The following RAPGEF5 variants were observed in gnomAD, a reference collection of about 807,000 sequenced individuals.
RAPGEF5 encodes Rap guanine nucleotide exchange factor 5.
Under a neutral mutation model 125.2 loss-of-function variants are expected in RAPGEF5, and 65 were observed. The observed-to-expected ratio is 0.52, with a 90% CI of 0.43 to 0.64. The LOEUF is 0.64. RAPGEF5 is among the 30% of genes least tolerant of loss of function. The probability of loss-of-function intolerance (pLI) is 0.00; values close to 1 mark genes in which losing one functional copy is unlikely to be tolerated. For synonymous variants in RAPGEF5, 391 were observed against 385.9 expected, an observed-to-expected ratio of 1.01 and a Z score of -0.16; for missense variants, 958 against 1,048.1, an observed-to-expected ratio of 0.91 and a Z score of 1.19.
At chr7:22,255,557 C>A (rs1786738984) in intron 7 of RAPGEF5, among the ~76,000 whole-genome samples, 2 of 152,154 alleles carry the variant, frequency 1.3e-5, no homozygotes, top group Admixed American at 6.5e-5. Flanking sequence ...CACCACTGCA[C>A]CCCAGCCTGG....
intron 7 of RAPGEF5, among the ~76,000 whole-genome samples, chr7:22,248,142 A>C (rs1786526974): frequency 6.6e-6 from 1 of 152,174 alleles, no homozygotes; most frequent in South Asian, 2.1e-4. Flanking sequence ...TTTTTTTTTA[A>C]AATCATCAAA....
At chr7:22,259,031 A>T (rs1221695654) in intron 7 of RAPGEF5, among the ~76,000 whole-genome samples, 1 of 152,226 alleles carries the variant, frequency 6.6e-6, no homozygotes, top group Non-Finnish European at 1.5e-5. Context: ...CATTAAAATA[A>T]AAACATTTCT....
chr7:22,251,858 T>C (rs1786632020), intron 7 of RAPGEF5, among the ~76,000 whole-genome samples: 3 of 149,136 alleles, frequency 2.0e-5, no homozygotes, highest in Admixed American at 6.7e-5. Flanking sequence ...AATTTAAATA[T>C]AAATTGCTCT....
At chr7:22,337,753 G>A (rs576477152) in intron 1 of RAPGEF5, among the ~76,000 whole-genome samples, 4 of 152,290 alleles carry the variant, frequency 2.6e-5, no homozygotes, top group East Asian at 1.9e-4. Flanking sequence ...CATGTCCAGC[G>A]TGATGGGCAA....
intron 11 of RAPGEF5, among the ~76,000 whole-genome samples, chr7:22,178,504 C>G (rs1784578341): frequency 6.6e-6 from 1 of 152,184 alleles, no homozygotes; most frequent in Non-Finnish European, 1.5e-5. Context: ...TCACAACCAC[C>G]CTCTGCGGTC....
At chr7:22,268,236 G>A (rs948925230) in intron 6 of RAPGEF5, among the ~76,000 whole-genome samples, 5 of 152,104 alleles carry the variant, frequency 3.3e-5, no homozygotes, top group East Asian at 1.9e-4. Flanking sequence ...CTTTGACACC[G>A]TAAGATTCTC....
intron 2 of RAPGEF5, among the ~76,000 whole-genome samples, chr7:22,316,489 A>ATATAT (rs1201099897): frequency 7.9e-5 from 4 of 50,636 alleles, no homozygotes; most frequent in African/African-American, 3.3e-4. Context: ...ATATATATAT[A>ATATAT]TTTTTTTTTT....
intron 7 of RAPGEF5, among the ~76,000 whole-genome samples, chr7:22,266,454 A>G (rs1782284591): frequency 6.6e-6 from 1 of 152,126 alleles, no homozygotes. Flanking sequence ...ACTTCCACAG[A>G]TTATATCCTA....
chr7:22,123,815 T>G (rs1583378000), intron 25 of RAPGEF5, among the ~76,000 whole-genome samples: 1 of 152,168 alleles, frequency 6.6e-6, no homozygotes. Context: ...GCTACAAAGG[T>G]AATTTTATGT....
intron 1 of RAPGEF5, among the ~76,000 whole-genome samples, chr7:22,331,652 G>A (rs1783921199): frequency 6.6e-6 from 1 of 151,240 alleles, no homozygotes; most frequent in African/African-American, 2.4e-5. Flanking sequence ...TGCTGAGGCA[G>A]GAGAATAGCG....
chr7:22,167,434 G>T (rs929709292), intron 11 of RAPGEF5, among the ~76,000 whole-genome samples: 2 of 152,144 alleles, frequency 1.3e-5, no homozygotes, highest in African/African-American at 4.8e-5. Flanking sequence ...ATTTATATTT[G>T]TGGGTAAAGA....
At chr7:22,165,176 T>A (rs1784123018) in intron 12 of RAPGEF5, among the ~76,000 whole-genome samples, 1 of 152,206 alleles carries the variant, frequency 6.6e-6, no homozygotes, top group African/African-American at 2.4e-5. Context: ...AAATCTGAAC[T>A]AAATTTGTGT....
At chr7:22,238,865 G>C (rs902657224) in intron 7 of RAPGEF5, among the ~76,000 whole-genome samples, 1 of 152,150 alleles carries the variant, frequency 6.6e-6, no homozygotes, top group African/African-American at 2.4e-5. Flanking sequence ...AATTATACAG[G>C]AAGTGAGTAA....
chr7:22,328,848 G>T (rs1321483331), intron 1 of RAPGEF5, among the ~76,000 whole-genome samples: 2 of 152,220 alleles, frequency 1.3e-5, no homozygotes, highest in Non-Finnish European at 2.9e-5. Flanking sequence ...ATGCTGTGCA[G>T]CTAAGATGAA....
intron 1 of RAPGEF5, among the ~76,000 whole-genome samples, chr7:22,324,115 A>T (rs1035833259): frequency 6.6e-6 from 1 of 152,220 alleles, no homozygotes; most frequent in Admixed American, 6.5e-5. Flanking sequence ...ACTTTAAACA[A>T]ATGATAAAAA....
At chr7:22,200,066 C>T (rs1256392225) in intron 9 of RAPGEF5, among the ~76,000 whole-genome samples, 1 of 152,124 alleles carries the variant, frequency 6.6e-6, no homozygotes, top group African/African-American at 2.4e-5. Context: ...GAAGAGGGCA[C>T]ATGATTTAGC....
intron 23 of RAPGEF5, among the ~76,000 whole-genome samples, chr7:22,133,528 A>G (rs1437571738): frequency 5.9e-5 from 9 of 152,222 alleles, no homozygotes; most frequent in Non-Finnish European, 1.3e-4. Flanking sequence ...GAACTGCTCA[A>G]TGAAATGACT....
At chr7:22,238,695 C>T (rs907819695) in intron 7 of RAPGEF5, among the ~76,000 whole-genome samples, 2 of 152,198 alleles carry the variant, frequency 1.3e-5, no homozygotes, top group African/African-American at 2.4e-5. Flanking sequence ...TTATATGATT[C>T]TTCATTTAAA....
At chr7:22,180,567 T>C (rs1472609423) in intron 11 of RAPGEF5, among the ~76,000 whole-genome samples, 1 of 152,204 alleles carries the variant, frequency 6.6e-6, no homozygotes, top group African/African-American at 2.4e-5. Context: ...TATTTCTCCA[T>C]ACTTATTTTC....
Sources: allele counts gnomAD v4.1 joint callset (sites outside exome capture counted in the v4.1 genomes callset), GRCh38; gene constraint gnomAD v4.1.1; transcripts MANE v1.5; gene names NCBI Gene and HGNC (gene_info 2026-07-23, HGNC 2026-07-21).